The following WIPF1 variants were observed in gnomAD, a reference collection of about 807,000 sequenced individuals.
WIPF1 encodes WAS/WASL interacting protein family member 1, also known as WAS/WASL-interacting protein family member 1.
WIPF1 carries 13 observed loss-of-function variants against 35.4 expected under a neutral mutation model. The observed-to-expected ratio is 0.37, with a 90% CI of 0.24 to 0.58. The LOEUF is 0.58. Among genes scored for constraint, WIPF1 ranks in the 20% least tolerant of loss-of-function variants. WIPF1 has a pLI of 0.74. For missense variants in WIPF1, 591 were observed against 667.0 expected (o/e 0.89, Z 1.25); for synonymous variants, 267 against 266.3 (o/e 1.00, Z -0.02).
chr2:174,592,427 C>T (rs1430182), intron 1 of WIPF1, among the ~76,000 whole-genome samples: 71,047 of 151,140 alleles, frequency 0.47, 17,953 homozygotes, highest in East Asian at 0.87. Context: ...ACTATCATAC[C>T]TAAAATGAAT....
intron 1 of WIPF1, among the ~76,000 whole-genome samples, chr2:174,644,362 G>T (rs1361706263): frequency 2.6e-5 from 4 of 152,086 alleles, no homozygotes; most frequent in African/African-American, 9.7e-5. Context: ...TTGTATAAGA[G>T]GTTGTAATAT....
At chr2:174,646,451 G>C (rs1687410483) in intron 1 of WIPF1, among the ~76,000 whole-genome samples, 1 of 152,160 alleles carries the variant, frequency 6.6e-6, no homozygotes, top group Non-Finnish European at 1.5e-5. Flanking sequence ...CTATAACATG[G>C]AGATAACTTT....
chr2:174,584,688 G>A (rs568077383), intron 2 of WIPF1, among the ~76,000 whole-genome samples: 3 of 152,030 alleles, frequency 2.0e-5, no homozygotes, highest in African/African-American at 7.3e-5. Context: ...GAGGTGGGTG[G>A]ATCAACTGAG....
chr2:174,681,170 G>C (rs1435391525), intron 1 of WIPF1, among the ~76,000 whole-genome samples: 1 of 152,190 alleles, frequency 6.6e-6, no homozygotes, highest in African/African-American at 2.4e-5. Flanking sequence ...GCAGGGGTTG[G>C]GTAAGTCCCA....
chr2:174,628,884 T>A (rs560091144), intron 1 of WIPF1, among the ~76,000 whole-genome samples: 1 of 152,256 alleles, frequency 6.6e-6, no homozygotes, highest in South Asian at 2.1e-4. Context: ...AAATCCAAGA[T>A]TATTTTTTTC....
intron 1 of WIPF1, among the ~76,000 whole-genome samples, chr2:174,655,165 T>A (rs574626934): frequency 6.6e-6 from 1 of 151,532 alleles, no homozygotes; most frequent in African/African-American, 2.4e-5. Flanking sequence ...TTCCCTCGTA[T>A]TCACCCCCAT....
chr2:174,592,496 T>G (rs1007567782), intron 1 of WIPF1, among the ~76,000 whole-genome samples: 12 of 152,066 alleles, frequency 7.9e-5, no homozygotes, highest in African/African-American at 2.9e-4. Flanking sequence ...AATATTTTAT[T>G]TGCTGGGGGT....
chr2:174,580,364 G>C (rs1176536591), intron 3 of WIPF1, among the ~76,000 whole-genome samples: 1 of 152,142 alleles, frequency 6.6e-6, no homozygotes, highest in African/African-American at 2.4e-5. Context: ...TCCCAAACCA[G>C]TAGTCCACCT....
intron 3 of WIPF1, among the ~76,000 whole-genome samples, chr2:174,580,355 C>T (rs938511736): frequency 2.0e-5 from 3 of 152,206 alleles, no homozygotes; most frequent in Non-Finnish European, 4.4e-5. Flanking sequence ...CCTTTTTCCT[C>T]CCAAACCAGT....
At chr2:174,613,662 G>C (rs1165972960) in intron 1 of WIPF1, among the ~76,000 whole-genome samples, 1 of 152,150 alleles carries the variant, frequency 6.6e-6, no homozygotes, top group Non-Finnish European at 1.5e-5. Flanking sequence ...TAAGTGAGCA[G>C]AACTTCTCCC....
intron 1 of WIPF1, among the ~76,000 whole-genome samples, chr2:174,614,611 T>C (rs1279888677): frequency 1.3e-5 from 2 of 152,208 alleles, no homozygotes; most frequent in Non-Finnish European, 2.9e-5. Flanking sequence ...AAGAGTCAAA[T>C]AAAGCTTTGG....
intron 1 of WIPF1, among the ~76,000 whole-genome samples, chr2:174,591,673 TACACAC>T (rs71407131): frequency 3.2e-4 from 47 of 146,716 alleles, no homozygotes; most frequent in East Asian, 6.0e-4. Context: ...CTTTGTTGCT[TACACAC>T]ACACACACAC....
chr2:174,634,437 C>A (rs187928046), intron 1 of WIPF1: 4 of 152,138 alleles, frequency 2.6e-5, no homozygotes, highest in Non-Finnish European at 5.9e-5. Flanking sequence ...TTAAAGAAAT[C>A]GTTAAAGACA....
Position 174,624,527 on chromosome 2 carries a change from A to G in WIPF1, c.-38-38916T>C, listed in dbSNP as rs186932623. Among the ~76,000 whole-genome samples, 3 of 152,332 alleles carry G rather than the reference A, an allele frequency of 2.0e-5. No homozygotes were observed. The East Asian group carries it at 5.8e-4, about 29-fold the overall frequency. On this transcript the variant is annotated intron_variant, in intron 1 of 8. Coordinates refer to the WIPF1 transcript ENST00000272746. ...TTTTCCCCTCCTAGACGCCAATCCAAATTTGTCATCACCTGTTCAGAGAAA... is the reference window on the plus strand; with the variant it reads ...TTTTCCCCTCCTAGACGCCAATCCAGATTTGTCATCACCTGTTCAGAGAAA...
At chr2:174,612,086 G>T (rs938652779) in intron 1 of WIPF1, among the ~76,000 whole-genome samples, 1 of 152,016 alleles carries the variant, frequency 6.6e-6, no homozygotes, top group Non-Finnish European at 1.5e-5. Context: ...TTGTAGAGAC[G>T]TAGTCTTGCT....
rs759804410 is a variant in WIPF1, at chr2:174,575,276, C to T, written c.286G>A (p.Gly96Arg). 26 of 1,613,910 alleles carry T rather than the reference C, an allele frequency of 1.6e-5. No individual in the cohort carries two copies. The highest frequency in any genetic ancestry group is 2.0e-5 in the Non-Finnish European group (24 of 1,179,928). Reference protein sequence around the residue: ...GGGGGSFGGGGPPGLGGLFQA... With the variant: ...GGGGGSFGGGRPPGLGGLFQA... ...AACAATCCTCCCAGACCTGGAGGTC[C>T]GCCCCCTCCAAAACTTCCACCGCCT... is the stretch of plus-strand genomic sequence containing the variant. The change falls in exon 4 of 8, where the codon GGA becomes AGA. Residue 96 changes from glycine to arginine, a missense_variant. Physicochemically the swap from Gly to Arg is moderately radical, Grantham distance 125. Around this residue, in one of 3 missense-constraint regions of WIPF1, gnomAD observed 471 missense variants for 501.1 expected, o/e 0.94. Transcript: ENST00000679041.
chr2:174,612,485 A>G (rs1559161090), intron 1 of WIPF1, among the ~76,000 whole-genome samples: 1 of 152,130 alleles, frequency 6.6e-6, no homozygotes, highest in Non-Finnish European at 1.5e-5. Context: ...ATCCTATTAT[A>G]ATTAATATAC....
chr2:174,623,836 T>C (rs1213169481), intron 1 of WIPF1, among the ~76,000 whole-genome samples: 1 of 152,196 alleles, frequency 6.6e-6, no homozygotes, highest in Non-Finnish European at 1.5e-5. Context: ...CTGGATTTAA[T>C]AATTCACTTT....
intron 3 of WIPF1, 45 bp downstream of exon 3, chr2:174,581,265 C>A (rs746384462): frequency 1.9e-6 from 3 of 1,609,992 alleles, no homozygotes; most frequent in Admixed American, 1.7e-5. Context: ...GATTATTAGG[C>A]CATAAACTGT....
Sources: gnomAD v4.1 joint callset for allele counts (sites outside exome capture counted in the v4.1 genomes callset) on GRCh38, gnomAD v4.1.1 for gene constraint, gnomAD v4.1.1 regional missense constraint, MANE v1.5 for transcripts, NCBI Gene and HGNC (gene_info 2026-07-23, HGNC 2026-07-21) for gene names.